Variants in FRMD4B observed in about 807,000 individuals in gnomAD.
FRMD4B encodes FERM domain-containing protein 4B.
A neutral mutation model predicts 141.5 loss-of-function variants in FRMD4B; 74 were observed. The observed-to-expected ratio is 0.52, with a 90% CI of 0.43 to 0.63. FRMD4B has a LOEUF of 0.63. Ranked by LOEUF, FRMD4B falls within the 30% of genes least tolerant of loss-of-function variation. The pLI is 0.00. For synonymous variants in FRMD4B, 506 were observed against 467.9 expected (o/e 1.08, Z -1.05); for missense variants, 1,366 against 1,253.4 (o/e 1.09, Z -1.36).
intron 11 of FRMD4B, chr3:69,200,340 G>T (rs1348756694): frequency 1.3e-6 from 1 of 783,548 alleles, no homozygotes; most frequent in Non-Finnish European, 1.6e-6. Context: ...CAGGTTCACA[G>T]AAGAATTAAT....
intron 1 of FRMD4B, among the ~76,000 whole-genome samples, chr3:69,354,193 C>T (rs938597624): frequency 6.6e-6 from 1 of 152,056 alleles, no homozygotes; most frequent in African/African-American, 2.4e-5. Flanking sequence ...GGCAGAATGA[C>T]GTGGTCTCAG....
chr3:69,182,860 C>T, intron 19 of FRMD4B, 143 bp from the exon 20 acceptor site: 2 of 730,538 alleles, frequency 2.7e-6, no homozygotes, highest in Non-Finnish European at 4.4e-6. Context: ...CTTTGTGGTT[C>T]ACTAAACCAC....
intron 1 of FRMD4B, among the ~76,000 whole-genome samples, chr3:69,373,024 G>A (rs1231844233): frequency 2.6e-5 from 4 of 152,152 alleles, no homozygotes; most frequent in Non-Finnish European, 4.4e-5. Flanking sequence ...CCCTTGTGCT[G>A]ATGCAAACAC....
intron 4 of FRMD4B, among the ~76,000 whole-genome samples, chr3:69,294,782 T>C (rs530376031): frequency 1.3e-5 from 2 of 152,282 alleles, no homozygotes; most frequent in East Asian, 3.9e-4. Flanking sequence ...TCTCCTCTGC[T>C]TTAAAACAGC....
intron 1 of FRMD4B, among the ~76,000 whole-genome samples, chr3:69,368,788 G>T (rs889904076): frequency 1.3e-5 from 2 of 152,120 alleles, no homozygotes; most frequent in African/African-American, 4.8e-5. Flanking sequence ...CTCTTGAGTA[G>T]CTGGGACTAC....
chr3:69,280,047 A>G (rs1331739431), intron 5 of FRMD4B, among the ~76,000 whole-genome samples: 1 of 152,124 alleles, frequency 6.6e-6, no homozygotes, highest in African/African-American at 2.4e-5. Flanking sequence ...CTAAAATCAC[A>G]GATATGGTCA....
chr3:69,490,832 G>A (rs1706291125), intron 1 of FRMD4B, among the ~76,000 whole-genome samples: 1 of 152,122 alleles, frequency 6.6e-6, no homozygotes, highest in Non-Finnish European at 1.5e-5. Context: ...TAGGGTGAAT[G>A]AAGCACACGA....
At chr3:69,287,331 T>C (rs1410819049) in intron 5 of FRMD4B, among the ~76,000 whole-genome samples, 1 of 152,246 alleles carries the variant, frequency 6.6e-6, no homozygotes, top group Non-Finnish European at 1.5e-5. Flanking sequence ...AGGTGGCACA[T>C]GTGTGCAGGG....
At chr3:69,293,391 A>G (rs1233873778) in intron 4 of FRMD4B, among the ~76,000 whole-genome samples, 1 of 151,442 alleles carries the variant, frequency 6.6e-6, no homozygotes, top group Non-Finnish European at 1.5e-5. Flanking sequence ...AGTGCCTCTT[A>G]CCTCTCTTGC....
At chr3:69,332,071 A>C (rs1702387134) in intron 1 of FRMD4B, among the ~76,000 whole-genome samples, 1 of 152,164 alleles carries the variant, frequency 6.6e-6, no homozygotes, top group South Asian at 2.1e-4. Context: ...TGGGCGACAC[A>C]GCAAGACTCC....
chr3:69,445,833 C>T (rs1222608620), intron 1 of FRMD4B, among the ~76,000 whole-genome samples: 1 of 152,122 alleles, frequency 6.6e-6, no homozygotes, highest in Non-Finnish European at 1.5e-5. Context: ...ATTCTCTACT[C>T]CTGTTTATTT....
At chr3:69,339,628 T>TA (rs973280755) in intron 1 of FRMD4B, among the ~76,000 whole-genome samples, 10 of 150,860 alleles carry the variant, frequency 6.6e-5, no homozygotes, top group African/African-American at 1.5e-4. Flanking sequence ...TAAAGTACAA[T>TA]AAAAAAAATG....
chr3:69,173,501 C>T (rs1246322138), intron 22 of FRMD4B, among the ~76,000 whole-genome samples: 1 of 152,110 alleles, frequency 6.6e-6, no homozygotes, highest in Non-Finnish European at 1.5e-5. Context: ...TTATCGTTAA[C>T]ACCTAATTTC....
intron 5 of FRMD4B, among the ~76,000 whole-genome samples, chr3:69,265,847 A>G (rs1294589027): frequency 6.6e-6 from 1 of 152,106 alleles, no homozygotes. Context: ...GGTTGATTCC[A>G]AGGCTATGGC....
chr3:69,197,125 C>T, intron 12 of FRMD4B, 87 bp from the exon 13 acceptor site: 3 of 1,005,034 alleles, frequency 3.0e-6, no homozygotes, highest in Non-Finnish European at 4.4e-6. Context: ...TGTAACAAAG[C>T]ATGTTCCTCT....
chr3:69,203,574 G>A lies in FRMD4B; in HGVS notation c.877-4800C>T, dbSNP rs188196059. 7.9e-3 allele frequency among the ~76,000 whole-genome samples: 1,210 copies of A among 152,254 alleles called. 17 individuals are homozygous for A. Among genetic ancestry groups the A allele is most frequent in the African/African-American group, 0.027 (1,125 of 41,532 alleles). On this transcript the variant is annotated intron_variant, in intron 11 of 22. Coordinates refer to ENST00000398540, the MANE Select transcript of FRMD4B (RefSeq NM_015123.3). ...CACAAGAGCCAAGTGAACCAAGTCA[G>A]ATTGCCTTGGTTAGCATTCTGGTAC...
chr3:69,542,090 TG>T (rs912278882), intron 1 of FRMD4B: 1 of 151,266 alleles, frequency 6.6e-6, no homozygotes, highest in Admixed American at 6.6e-5. Context: ...GCACCTCCGC[TG>T]GGGGTCTCCA....
intron 1 of FRMD4B, among the ~76,000 whole-genome samples, chr3:69,454,480 G>A (rs956136050): frequency 6.6e-5 from 10 of 152,196 alleles, no homozygotes; most frequent in East Asian, 1.9e-4. Context: ...CCACACTCAC[G>A]GGCCAGCGCC....
At chr3:69,488,674 G>A (rs551907954) in intron 1 of FRMD4B, among the ~76,000 whole-genome samples, 58 of 152,022 alleles carry the variant, frequency 3.8e-4, no homozygotes, top group African/African-American at 1.3e-3. Context: ...AGGCTAAGGC[G>A]GGTAGATTAT....
Sources: gnomAD v4.1 joint callset for allele counts (sites outside exome capture counted in the v4.1 genomes callset) on GRCh38, gnomAD v4.1.1 for gene constraint, MANE v1.5 for transcripts, NCBI Gene and HGNC (gene_info 2026-07-23, HGNC 2026-07-21) for gene names.